The following ILRUN variants were observed in gnomAD, a reference collection of about 807,000 sequenced individuals.
The protein encoded by ILRUN is protein ILRUN.
Under a neutral mutation model 33.8 loss-of-function variants are expected in ILRUN, and 3 were observed. The observed-to-expected ratio is 0.09, with a 90% confidence interval of 0.04 to 0.23. The LOEUF (loss-of-function observed/expected upper bound fraction) is 0.23. Among genes scored for constraint, ILRUN ranks in the 10% least tolerant of loss-of-function variants. The probability of loss-of-function intolerance (pLI) is 1.00; values close to 1 mark genes in which losing one functional copy is unlikely to be tolerated. For missense variants in ILRUN, 210 were observed against 375.1 expected (o/e 0.56, Z 3.64); for synonymous variants, 124 against 138.9 (o/e 0.89, Z 0.75).
At chr6:34,663,188 G>A (rs558086962) in intron 1 of ILRUN, among the ~76,000 whole-genome samples, 2 of 152,350 alleles carry the variant, frequency 1.3e-5, no homozygotes, top group African/African-American at 4.8e-5. Flanking sequence ...CTGGGTGGCT[G>A]AGGCAAGAGG....
At chr6:34,691,403 G>C (rs1203647776) in intron 1 of ILRUN, among the ~76,000 whole-genome samples, 5 of 152,182 alleles carry the variant, frequency 3.3e-5, no homozygotes, top group Admixed American at 6.5e-5. Context: ...GACTACTTCT[G>C]TTAACAGACA....
Position 34,666,970 on chromosome 6 carries a change from G to A in ILRUN, c.159-12191C>T, listed in dbSNP as rs142922817. 1.3e-5 allele frequency among the ~76,000 whole-genome samples: 2 copies of A among 152,212 alleles called. 1 individual carries two copies. Among genetic ancestry groups the A allele is most frequent in the East Asian group, 3.9e-4 (2 of 5,186 alleles). On this transcript the variant is annotated intron_variant, in intron 1 of 4. Coordinates refer to ENST00000374023, the MANE Select transcript of ILRUN (RefSeq NM_024294.4). Reference sequence around the variant, plus strand: ...AAAAATAGCTTCTTTACATGACACTGCGTAATTATCACCAGTAAAATTAGT... The same window carrying A: ...AAAAATAGCTTCTTTACATGACACTACGTAATTATCACCAGTAAAATTAGT...
At chr6:34,636,547 T>C (rs757284649) in intron 3 of ILRUN, among the ~76,000 whole-genome samples, 3 of 152,198 alleles carry the variant, frequency 2.0e-5, no homozygotes, top group Admixed American at 6.5e-5. Flanking sequence ...TGCTTTTCAA[T>C]AGGAGATTAT....
At chr6:34,675,599 A>G (rs1301622321) in intron 1 of ILRUN, among the ~76,000 whole-genome samples, 1 of 152,218 alleles carries the variant, frequency 6.6e-6, no homozygotes, top group Admixed American at 6.5e-5. Flanking sequence ...TTTAAAGCAG[A>G]AATCAAAAAG....
Position 34,627,386 on chromosome 6 carries a change from G to C in ILRUN, c.511+19215C>G, listed in dbSNP as rs577589229. 2.0e-4 allele frequency among the ~76,000 whole-genome samples: 30 copies of C among 152,312 alleles called. No homozygotes were observed. The South Asian group carries it at 5.2e-3, about 26-fold the overall frequency. ...AACATCTGTGTGCAGGCTTTTGTGT[G>C]AATGTAAGTTTTCAACATCTTTGGG... On this transcript the variant is annotated intron_variant, in intron 3 of 4. Transcript: ENST00000374023.
rs568932022 is a variant in ILRUN at position 34,597,889 on chromosome 6, C to T, written c.862-7289G>A. Among the ~76,000 whole-genome samples, 7 of 152,318 alleles carry T rather than the reference C, an allele frequency of 4.6e-5. No homozygotes were observed. The East Asian group carries it at 1.4e-3, about 29-fold the overall frequency. ...CTGAGCCTTCCTGCATGTGGTTCTT[C>T]TTCCCTCCAATTCAGTTTGAATCCA... On this transcript the variant is annotated intron_variant, in intron 4 of 4. Coordinates refer to ENST00000374023, the MANE Select transcript of ILRUN (RefSeq NM_024294.4).
At position 34,624,952 on chromosome 6, in the gene ILRUN, G is replaced by A. The variant is rs550166301; in HGVS notation, c.512-18048C>T. Among the ~76,000 whole-genome samples the A allele has an allele frequency of 7.2e-5, 11 of 152,238 alleles. No individual in the cohort carries two copies. The South Asian group carries it at 2.1e-3, about 29-fold the overall frequency. ...CTTCCCTCTCCTCCTGAAAGAGGAT[G>A]GGCTTTAGTTTCTGGCTTCAAGGAA... On this transcript the variant is annotated intron_variant, in intron 3 of 4. Coordinates refer to ENST00000374023, the MANE Select transcript of ILRUN (RefSeq NM_024294.4).
intron 3 of ILRUN, among the ~76,000 whole-genome samples, chr6:34,622,536 A>AC (rs1174866953): frequency 6.6e-5 from 10 of 151,250 alleles, no homozygotes; most frequent in Non-Finnish European, 1.0e-4. Flanking sequence ...GATGGCTACT[A>AC]CTAAAAAAAA....
chr6:34,691,795 C>CAAAAAAAAAAAAAAAAAAA (rs34756076), intron 1 of ILRUN, among the ~76,000 whole-genome samples: 1 of 126,872 alleles, frequency 7.9e-6, no homozygotes, highest in African/African-American at 3.0e-5. Flanking sequence ...AACTCTGTCT[C>CAAAAAAAAAAAAAAAAAAA]AAAAAAAAAA....
At position 34,646,530 on chromosome 6, in the gene ILRUN, G is replaced by A; in HGVS notation, c.511+71C>T. 6.8e-7 allele frequency: 1 copy of A among 1,476,506 alleles called. No homozygotes were observed. The highest frequency in any genetic ancestry group is 9.3e-7 in the Non-Finnish European group (1 of 1,071,304). 91.5% of individuals were successfully genotyped at this position (1,476,506 alleles called of 1,614,324 possible). A position where few individuals can be genotyped will look rare whatever the true frequency, so the allele number is the denominator to read the frequency against. On this transcript the variant is annotated intron_variant, in intron 3 of 4. Transcript: ENST00000374023. This position sits in a 1 kb window ranked among gnomAD's most constrained non-coding sequence, Gnocchi z 4.9. ...TGTTATGCAATTTGACAGGCTCTGTGAGCAACACTGGGGATGTTATAAGAT... is the reference window on the plus strand; with the variant it reads ...TGTTATGCAATTTGACAGGCTCTGTAAGCAACACTGGGGATGTTATAAGAT...
chr6:34,600,570 T>C (rs1054435662), intron 4 of ILRUN, among the ~76,000 whole-genome samples: 5 of 152,202 alleles, frequency 3.3e-5, no homozygotes, highest in African/African-American at 1.2e-4. Flanking sequence ...GGTTTGGTTT[T>C]TGTGTGTGTG....
rs1231004290 is a variant in ILRUN, at chr6:34,646,548, TATAAG to T, written c.511+48_511+52del. 3 of 1,569,530 alleles carry T rather than the reference TATAAG, an allele frequency of 1.9e-6. No individual in the cohort carries two copies. The highest frequency in any genetic ancestry group is 2.3e-5 in the East Asian group (1 of 44,428). On this transcript the variant is annotated intron_variant, in intron 3 of 4. Transcript: ENST00000374023. The surrounding 1 kb of genome is among the most constrained non-coding windows in gnomAD (Gnocchi z 4.9). The stretch of plus-strand genomic sequence containing the variant: ...GCTCTGTGAGCAACACTGGGGATGT[TATAAG>T]ATGTTACCTTAGTTCCTTTACCCTG...
chr6:34,619,297 A>G (rs775246242), intron 3 of ILRUN, among the ~76,000 whole-genome samples: 1 of 152,052 alleles, frequency 6.6e-6, no homozygotes, highest in Non-Finnish European at 1.5e-5. Context: ...CACAGAATAT[A>G]TATATATATA....
Position 34,605,307 on chromosome 6 carries a change from C to CAAAACA in ILRUN, c.861+1242_861+1247dup, listed in dbSNP as rs1382853334. On this transcript the variant is annotated intron_variant, in intron 4 of 4. Coordinates refer to ENST00000374023, the MANE Select transcript of ILRUN (RefSeq NM_024294.4). Reference sequence around the variant, plus strand: ...GGCAAGAAGAGCGAAACTCCGTCTCCAAAACAAAAACAAAAAAAAAAAAAA... The same window carrying CAAAACA: ...GGCAAGAAGAGCGAAACTCCGTCTCCAAAACAAAAACAAAAACAAAAAAAAAAAAAA... 1.7e-3 allele frequency among the ~76,000 whole-genome samples: 124 copies of CAAAACA among 73,284 alleles called. 5 individuals carry two copies. The highest frequency in any genetic ancestry group is 9.6e-3 in the Middle Eastern group (1 of 104). The allele number at this position is 73,284 out of a possible 152,430, so 48.1% of individuals were successfully genotyped here. A position where few individuals can be genotyped will look rare whatever the true frequency, so the allele number is the denominator to read the frequency against.
intron 1 of ILRUN, among the ~76,000 whole-genome samples, chr6:34,668,266 T>C (rs1047154554): frequency 4.6e-5 from 7 of 152,236 alleles, no homozygotes; most frequent in Admixed American, 1.3e-4. Context: ...CCTTCCTATG[T>C]ATCTACCCAA....
chr6:34,689,045 T>C (rs543400881), intron 1 of ILRUN, among the ~76,000 whole-genome samples: 1 of 152,208 alleles, frequency 6.6e-6, no homozygotes, highest in African/African-American at 2.4e-5. Flanking sequence ...GAGGAGAGAA[T>C]AGTCCTTTAC....
intron 1 of ILRUN, among the ~76,000 whole-genome samples, chr6:34,655,845 T>C (rs899762013): frequency 2.6e-5 from 4 of 152,054 alleles, no homozygotes; most frequent in Non-Finnish European, 5.9e-5. Flanking sequence ...TCAGTGGTGT[T>C]TCTCTAACAT....
At chr6:34,693,606 G>T (rs186845615) in intron 1 of ILRUN, among the ~76,000 whole-genome samples, 34 of 151,880 alleles carry the variant, frequency 2.2e-4, no homozygotes, top group African/African-American at 8.2e-4. Context: ...CAACATATAT[G>T]CTACTCCATG....
At chr6:34,645,973 A>G (rs1762555550) in intron 3 of ILRUN, among the ~76,000 whole-genome samples, 1 of 152,308 alleles carries the variant, frequency 6.6e-6, no homozygotes, top group East Asian at 1.9e-4. Flanking sequence ...ATTTCAAAAA[A>G]CTTGTGTAGT....
Sources: gnomAD v4.1 joint callset for allele counts (sites outside exome capture counted in the v4.1 genomes callset) on GRCh38, gnomAD v4.1.1 for gene constraint, Gnocchi (gnomAD v3.1) non-coding constraint, MANE v1.5 for transcripts, NCBI Gene and HGNC (gene_info 2026-07-23, HGNC 2026-07-21) for gene names.